The following CWC27 variants were observed in gnomAD, a reference collection of about 807,000 sequenced individuals.
CWC27 encodes the protein spliceosome-associated protein CWC27 homolog.
A neutral mutation model predicts 63.6 loss-of-function variants in CWC27; 47 were observed. The ratio of observed to expected loss-of-function variants is 0.74; its 90% confidence interval spans 0.58 to 0.94. CWC27 has a LOEUF of 0.94. Ranked by LOEUF, CWC27 falls within the 40% of genes least tolerant of loss-of-function variation. The probability of loss-of-function intolerance (pLI) is 0.00; values close to 1 mark genes in which losing one functional copy is unlikely to be tolerated. For missense variants in CWC27, 495 were observed against 554.3 expected (o/e 0.89, Z 1.07); for synonymous variants, 175 against 179.8 (o/e 0.97, Z 0.22).
At chr5:64,891,741 T>A (rs1747241973) in intron 11 of CWC27, among the ~76,000 whole-genome samples, 1 of 152,078 alleles carries the variant, frequency 6.6e-6, no homozygotes, top group Non-Finnish European at 1.5e-5. Context: ...CTGGGTCATC[T>A]TGCAGACCTC....
intron 10 of CWC27, among the ~76,000 whole-genome samples, chr5:64,834,755 C>T (rs896375217): frequency 1.3e-5 from 2 of 151,756 alleles, no homozygotes; most frequent in African/African-American, 4.8e-5. Context: ...CATTCAAATG[C>T]TTATACTATC....
At chr5:64,775,086 A>G (rs746435039) in intron 2 of CWC27, among the ~76,000 whole-genome samples, 8 of 152,190 alleles carry the variant, frequency 5.3e-5, no homozygotes, top group African/African-American at 1.9e-4. Context: ...GGTATTCCCT[A>G]AGATTGCCTC....
At chr5:64,896,631 G>A (rs1041723429) in intron 11 of CWC27, among the ~76,000 whole-genome samples, 10 of 150,904 alleles carry the variant, frequency 6.6e-5, no homozygotes, top group African/African-American at 2.2e-4. Context: ...ACAGGATAAG[G>A]AAGGGTCTTA....
At chr5:65,006,017 T>C (rs1749835270) in intron 13 of CWC27, among the ~76,000 whole-genome samples, 1 of 152,246 alleles carries the variant, frequency 6.6e-6, no homozygotes, top group African/African-American at 2.4e-5. Flanking sequence ...TCATTCTTTA[T>C]ATAGCTTGTT....
At chr5:64,990,077 C>G (rs1018998880) in intron 13 of CWC27, among the ~76,000 whole-genome samples, 3 of 152,066 alleles carry the variant, frequency 2.0e-5, no homozygotes, top group African/African-American at 7.2e-5. Flanking sequence ...TTTCTATTCA[C>G]TAGTTATAAA....
At chr5:64,831,538 A>G (rs893070867) in intron 10 of CWC27, among the ~76,000 whole-genome samples, 1 of 151,956 alleles carries the variant, frequency 6.6e-6, no homozygotes, top group Non-Finnish European at 1.5e-5. Flanking sequence ...AGATATGGAT[A>G]TAGATATAGA....
At chr5:64,862,359 C>T (rs1383793791) in intron 10 of CWC27, among the ~76,000 whole-genome samples, 2 of 132,882 alleles carry the variant, frequency 1.5e-5, no homozygotes, top group African/African-American at 6.1e-5. Context: ...ATATAATATA[C>T]CCTTCCTCAA....
chr5:64,907,193 A>G (rs945357815), intron 11 of CWC27, among the ~76,000 whole-genome samples: 2 of 152,138 alleles, frequency 1.3e-5, no homozygotes, highest in South Asian at 2.1e-4. Context: ...GTTTTTTCCA[A>G]TTCTTTGAAG....
intron 13 of CWC27, among the ~76,000 whole-genome samples, chr5:65,000,159 C>G (rs1186549491): frequency 6.6e-6 from 1 of 152,024 alleles, no homozygotes; most frequent in Non-Finnish European, 1.5e-5. Context: ...CTATTCAGAT[C>G]CTTTGCCTAC....
chr5:64,943,455 T>G (rs1283629440), intron 11 of CWC27, among the ~76,000 whole-genome samples: 1 of 152,330 alleles, frequency 6.6e-6, no homozygotes, highest in East Asian at 1.9e-4. Context: ...TGTACTACCC[T>G]TATCTTGCCA....
At chr5:64,934,803 C>T (rs183697764) in intron 11 of CWC27, among the ~76,000 whole-genome samples, 1 of 152,132 alleles carries the variant, frequency 6.6e-6, no homozygotes, top group Non-Finnish European at 1.5e-5. Context: ...TTCTAACTGG[C>T]GTGAGATAGT....
intron 12 of CWC27, among the ~76,000 whole-genome samples, chr5:64,976,879 C>T (rs1220836478): frequency 1.3e-5 from 2 of 152,272 alleles, no homozygotes; most frequent in East Asian, 3.9e-4. Flanking sequence ...TCTATGTAAG[C>T]AAACTTTTGT....
At chr5:64,919,167 C>T (rs1747946740) in intron 11 of CWC27, among the ~76,000 whole-genome samples, 1 of 152,084 alleles carries the variant, frequency 6.6e-6, no homozygotes, top group African/African-American at 2.4e-5. Context: ...TGTATGTGTA[C>T]ACACGTATAT....
chr5:64,784,074 C>A, intron 4 of CWC27, 95 bp downstream of exon 4: 1 of 1,099,352 alleles, frequency 9.1e-7, no homozygotes, highest in African/African-American at 1.6e-5. Context: ...TATCTAAGAG[C>A]TACCTTTGTA....
At chr5:64,904,206 TC>T (rs1314315199) in intron 11 of CWC27, among the ~76,000 whole-genome samples, 4 of 152,230 alleles carry the variant, frequency 2.6e-5, no homozygotes, top group African/African-American at 9.6e-5. Context: ...TTTAGGTTTT[TC>T]TTTAGGTCAG....
chr5:64,980,709 G>A (rs1309575), intron 13 of CWC27, among the ~76,000 whole-genome samples: 69,047 of 151,832 alleles, frequency 0.45, 15,855 homozygotes, highest in African/African-American at 0.5. Context: ...TAGTACATAC[G>A]GTATTTAGTA....
intron 11 of CWC27, among the ~76,000 whole-genome samples, chr5:64,965,978 C>G (rs1338256437): frequency 6.6e-6 from 1 of 151,932 alleles, no homozygotes; most frequent in Non-Finnish European, 1.5e-5. Flanking sequence ...ATTATCATGG[C>G]TAGAAAATAT....
chr5:64,931,267 A>T (rs184058088), intron 11 of CWC27, among the ~76,000 whole-genome samples: 1 of 152,174 alleles, frequency 6.6e-6, no homozygotes, highest in East Asian at 1.9e-4. Flanking sequence ...GTCTCAAATG[A>T]TTGAGAAAAA....
At chr5:64,879,764 A>T (rs1186392613) in intron 10 of CWC27, among the ~76,000 whole-genome samples, 1 of 151,036 alleles carries the variant, frequency 6.6e-6, no homozygotes, top group African/African-American at 2.4e-5. Flanking sequence ...AAATGAAGAC[A>T]CTAAGAACAG....
Sources: allele counts gnomAD v4.1 joint callset (sites outside exome capture counted in the v4.1 genomes callset), GRCh38; gene constraint gnomAD v4.1.1; transcripts MANE v1.5; gene names NCBI Gene and HGNC (gene_info 2026-07-23, HGNC 2026-07-21).